The following CSMD3 variants were observed in gnomAD, a reference collection of about 807,000 sequenced individuals.
CSMD3 encodes CUB and Sushi multiple domains 3.
In CSMD3, 177 loss-of-function variants were observed where a neutral mutation model predicts 435.2. The ratio of observed to expected loss-of-function variants is 0.41; its 90% CI spans 0.36 to 0.46. The LOEUF is 0.46. CSMD3 is among the 20% of genes least tolerant of loss of function. The probability of loss-of-function intolerance (pLI) is 0.34; values close to 1 mark genes in which losing one functional copy is unlikely to be tolerated. For missense variants in CSMD3, 4,265 were observed against 4,504.6 expected, an observed-to-expected ratio of 0.95 and a Z score of 1.52; for synonymous variants, 1,656 against 1,520.5, an observed-to-expected ratio of 1.09 and a Z score of -2.07.
intron 11 of CSMD3, among the ~76,000 whole-genome samples, chr8:112,847,767 T>G (rs936116485): frequency 1.3e-5 from 2 of 152,126 alleles, no homozygotes; most frequent in African/African-American, 4.8e-5. Flanking sequence ...GGCAAAAGGC[T>G]ATCTCTAAAG....
At chr8:112,392,722 G>A (rs2129768218) in intron 35 of CSMD3, among the ~76,000 whole-genome samples, 1 of 151,148 alleles carries the variant, frequency 6.6e-6, no homozygotes, top group African/African-American at 2.4e-5. Context: ...TGGCTGGTAT[G>A]TTTTCCATGC....
chr8:112,396,255 T>C (rs912889886), intron 35 of CSMD3, among the ~76,000 whole-genome samples: 3 of 152,198 alleles, frequency 2.0e-5, no homozygotes, highest in East Asian at 1.9e-4. Flanking sequence ...TTGCTTTCAA[T>C]TGGATGCTGA....
At chr8:112,862,233 C>A (rs1398674041) in intron 10 of CSMD3, among the ~76,000 whole-genome samples, 1 of 152,016 alleles carries the variant, frequency 6.6e-6, no homozygotes, top group African/African-American at 2.4e-5. Context: ...TATCTACAGA[C>A]ATTTTTGTTT....
rs772912779 is a variant in CSMD3 at position 112,346,121 on chromosome 8, T to A, written c.6418A>T (p.Thr2140Ser). 9 of 1,605,380 alleles carry A rather than the reference T, an allele frequency of 5.6e-6. No homozygotes were observed. The highest frequency in any genetic ancestry group is 7.7e-6 in the Non-Finnish European group (9 of 1,172,106). Residue 2140 changes from threonine to serine, a missense_variant, in exon 41 of 71, where the codon ACA becomes TCA. Around this residue, in one of 3 missense-constraint regions of CSMD3, gnomAD observed 3,255 missense variants for 3,380.2 expected, o/e 0.96. Coordinates refer to ENST00000297405, the MANE Select transcript of CSMD3 (RefSeq NM_198123.2). ...CCAAAACCTATGGGTAGATTTATTGTCCATGTGCAATCTAAACTGCTGGGA... is the reference window on the plus strand; with the variant it reads ...CCAAAACCTATGGGTAGATTTATTGACCATGTGCAATCTAAACTGCTGGGA... Reference protein sequence around the residue: ...NYPSSLDCTWTINLPIGFGVH... With the variant: ...NYPSSLDCTWSINLPIGFGVH...
At chr8:113,336,160 G>C (rs1167986029) in intron 1 of CSMD3, among the ~76,000 whole-genome samples, 2 of 151,658 alleles carry the variant, frequency 1.3e-5, no homozygotes, top group African/African-American at 2.4e-5. Flanking sequence ...TCTGTCTTCA[G>C]TTCTTAGATT....
chr8:112,373,019 TA>T lies in CSMD3; in HGVS notation c.6136+7332del, dbSNP rs1312085512. On this transcript the variant is annotated intron_variant, in intron 38 of 70. Coordinates refer to ENST00000297405, the MANE Select transcript of CSMD3 (RefSeq NM_198123.2). Reference sequence around the variant, plus strand: ...TTATATATAAAAATATATATATATATATATTTTTTTTCTCATGAGTAGAAAA... The same window carrying T: ...TTATATATAAAAATATATATATATATTATTTTTTTTCTCATGAGTAGAAAA... 8.8e-3 allele frequency among the ~76,000 whole-genome samples: 975 copies of T among 110,348 alleles called. 18 individuals carry two copies. Among genetic ancestry groups the T allele is most frequent in the African/African-American group, 0.027 (913 of 33,636 alleles). 72.4% of individuals were successfully genotyped at this position (110,348 alleles called of 152,430 possible).
At chr8:113,423,619 A>C (rs2094620180) in intron 1 of CSMD3, among the ~76,000 whole-genome samples, 1 of 151,926 alleles carries the variant, frequency 6.6e-6, no homozygotes, top group South Asian at 2.1e-4. Flanking sequence ...TCAAATACAT[A>C]AAAAAAGAAG....
intron 3 of CSMD3, among the ~76,000 whole-genome samples, chr8:113,174,697 A>G (rs1313288516): frequency 6.6e-6 from 1 of 151,934 alleles, no homozygotes; most frequent in Non-Finnish European, 1.5e-5. Flanking sequence ...TGAAAATAGC[A>G]GAACTTCAGG....
intron 2 of CSMD3, among the ~76,000 whole-genome samples, chr8:113,296,532 C>A (rs2093723283): frequency 6.6e-6 from 1 of 151,614 alleles, no homozygotes; most frequent in Non-Finnish European, 1.5e-5. Flanking sequence ...TCAAAAAAAA[C>A]CCAACCAAAC....
At chr8:112,498,795 A>G (rs1017733107) in intron 30 of CSMD3, among the ~76,000 whole-genome samples, 2 of 151,804 alleles carry the variant, frequency 1.3e-5, no homozygotes, top group African/African-American at 4.8e-5. Flanking sequence ...ATAAGTAGCT[A>G]TTTCTAAGCC....
At chr8:112,661,210 A>T (rs7003350) in intron 17 of CSMD3, among the ~76,000 whole-genome samples, 82,711 of 152,008 alleles carry the variant, frequency 0.54, 24,028 homozygotes, top group African/African-American at 0.76. Context: ...ATTTAAGTTT[A>T]TGCCTATTTA....
intron 3 of CSMD3, among the ~76,000 whole-genome samples, chr8:113,263,803 A>G (rs1467147297): frequency 1.3e-5 from 2 of 151,844 alleles, no homozygotes; most frequent in South Asian, 2.1e-4. Context: ...TTTACAAACT[A>G]TCTTGTCCTT....
chr8:112,224,604 A>G lies in CSMD3; in HGVS notation c.*167T>C, dbSNP rs1812403698. ...GTAAAACTCTCCATGGTAAACATGA[A>G]GAATTATGGTCCAGTTTATGAAAAA... is the stretch of plus-strand genomic sequence containing the variant. On this transcript the variant is annotated 3_prime_UTR_variant, in exon 71 of 71. Coordinates refer to ENST00000297405, the MANE Select transcript of CSMD3 (RefSeq NM_198123.2). The G allele has an allele frequency of 1.4e-6, 1 of 709,412 alleles. No homozygotes were observed. The highest frequency in any genetic ancestry group is 2.5e-6 in the Non-Finnish European group (1 of 399,606). The allele number at this position is 709,412 out of a possible 1,614,324, so 43.9% of individuals were successfully genotyped here.
rs1249712384 is a variant in CSMD3, at chr8:112,685,642, C to A, written c.2246G>T (p.Trp749Leu). 6.2e-7 allele frequency: 1 copy of A among 1,613,534 alleles called. No individual in the cohort carries two copies. The highest frequency in any genetic ancestry group is 8.5e-7 in the Non-Finnish European group (1 of 1,179,546). Reference sequence around the variant, plus strand: ...GCTCCCTGGATCAGAGATTATCGTCCAGATGCAATTTAAATTATTTCCATA... The same window carrying A: ...GCTCCCTGGATCAGAGATTATCGTCAAGATGCAATTTAAATTATTTCCATA... The part of the protein sequence containing the change: ...EGYGNNLNCI[W>L]TIISDPGSRI... The change falls in exon 15 of 71, where the codon TGG becomes TTG. Residue 749 changes from tryptophan (W) to leucine (L), a missense_variant. Transcript: ENST00000297405.
At chr8:112,614,453 G>A (rs1038649697) in intron 22 of CSMD3, among the ~76,000 whole-genome samples, 27 of 151,770 alleles carry the variant, frequency 1.8e-4, no homozygotes, top group South Asian at 6.2e-4. Flanking sequence ...AACCCCACCC[G>A]GTATACTGTT....
At chr8:112,447,771 C>A (rs180943401) in intron 32 of CSMD3, among the ~76,000 whole-genome samples, 6 of 152,276 alleles carry the variant, frequency 3.9e-5, no homozygotes, top group Admixed American at 3.9e-4. Flanking sequence ...TAGGACTTAT[C>A]TTTTGCTACC....
intron 23 of CSMD3, among the ~76,000 whole-genome samples, chr8:112,579,315 ATGTTT>A (rs999820443): frequency 1.3e-5 from 2 of 152,054 alleles, no homozygotes; most frequent in African/African-American, 4.8e-5. Flanking sequence ...AAGTTAAGCC[ATGTTT>A]TGTAGCATTT....
rs147989334 is a variant in CSMD3 at position 112,905,722 on chromosome 8, C to T, written c.1633+15905G>A. On this transcript the variant is annotated intron_variant, in intron 10 of 70. Coordinates refer to ENST00000297405, the MANE Select transcript of CSMD3 (RefSeq NM_198123.2). Reference sequence around the variant, plus strand: ...TCCTATCCCTTTGGGAACTGGGGCTCAGCAAAGTGGCACCAATGCTTATAT... The same window carrying T: ...TCCTATCCCTTTGGGAACTGGGGCTTAGCAAAGTGGCACCAATGCTTATAT... 3.9e-3 allele frequency among the ~76,000 whole-genome samples: 592 copies of T among 151,488 alleles called. 1 individual carries two copies. Among genetic ancestry groups the T allele is most frequent in the Non-Finnish European group, 6.5e-3 (443 of 67,646 alleles).
At chr8:112,401,336 A>G (rs531372110) in intron 35 of CSMD3, among the ~76,000 whole-genome samples, 22 of 151,628 alleles carry the variant, frequency 1.5e-4, no homozygotes, top group African/African-American at 4.1e-4. Flanking sequence ...ATTTTTTTTT[A>G]ATTTTTCCTT....
Sources: allele counts gnomAD v4.1 joint callset (sites outside exome capture counted in the v4.1 genomes callset), GRCh38; gene constraint gnomAD v4.1.1; regional missense constraint gnomAD v4.1.1; transcripts MANE v1.5; gene names NCBI Gene and HGNC (gene_info 2026-07-23, HGNC 2026-07-21).